Variants in GTPBP6 observed in about 807,000 individuals in gnomAD.
GTPBP6 encodes GTP binding protein 6.
A neutral mutation model predicts 28.9 loss-of-function variants in GTPBP6; 33 were observed. The ratio of observed to expected loss-of-function variants is 1.14; its 90% confidence interval spans 0.87 to 1.53. The LOEUF (loss-of-function observed/expected upper bound fraction) is 1.53, where lower values mean the gene tolerates loss of function less well. Among genes scored for constraint, GTPBP6 ranks in the 40% most tolerant of loss-of-function variants. The pLI is 0.00. For missense variants in GTPBP6, 507 were observed against 408.3 expected (o/e 1.24, Z -2.08); for synonymous variants, 231 against 192.7 (o/e 1.20, Z -1.65).
intron 1 of GTPBP6, among the ~76,000 whole-genome samples, chrX:317,933 C>T (rs1453661659): frequency 1.3e-5 from 2 of 148,210 alleles, no homozygotes; most frequent in Non-Finnish European, 3.0e-5. Flanking sequence ...CTATGAGATC[C>T]TCCCTTCAGA....
chrX:315,541 C>A (rs1331165683), intron 2 of GTPBP6, among the ~76,000 whole-genome samples: 1 of 132,870 alleles, frequency 7.5e-6, no homozygotes, highest in Admixed American at 7.0e-5. Flanking sequence ...GACACAAACA[C>A]ATACACACGC....
chrX:312,692 CT>C (rs1373624199), intron 6 of GTPBP6, 73 bp downstream of exon 6: 1 of 1,465,242 alleles, frequency 6.8e-7, no homozygotes, highest in Admixed American at 1.8e-5. Context: ...CAGGGACCCC[CT>C]GCCCTCCCCC....
rs1178949787 is a variant in GTPBP6, at chrX:305,344, C to T, written c.1428-147G>A. 7 of 645,156 alleles carry T rather than the reference C, an allele frequency of 1.1e-5. No homozygotes were observed. The East Asian group carries it at 1.1e-4, about 10-fold the overall frequency. The allele number at this position is 645,156 out of a possible 1,614,324, so 40.0% of individuals were successfully genotyped here. A position where few individuals can be genotyped will look rare whatever the true frequency, so the allele number is the denominator to read the frequency against. On this transcript the variant is annotated intron_variant, in intron 9 of 9. Coordinates refer to ENST00000326153, the Ensembl canonical transcript of GTPBP6. ...CTTTTGTTTTTTTTTTTTTTTGAGA[C>T]GGAGTCTCACTCTGTCGCGTAGGCT...
exon 6 of GTPBP6, chrX:312,911 C>T (rs761435287): frequency 1.2e-6 from 2 of 1,612,134 alleles, no homozygotes; most frequent in South Asian, 1.1e-5. Flanking sequence ...GCTGCAGCTG[C>T]ATGAAGGATT....
At chrX:317,694 CA>C (rs2070463491) in intron 1 of GTPBP6, among the ~76,000 whole-genome samples, 4 of 52,900 alleles carry the variant, frequency 7.6e-5, no homozygotes, top group Admixed American at 1.9e-4. Flanking sequence ...CCGGCCCACC[CA>C]ACCCCACCCC....
At chrX:307,448 G>C in exon 9 of GTPBP6, 2 of 1,612,078 alleles carry the variant, frequency 1.2e-6, no homozygotes, top group Non-Finnish European at 1.7e-6. Context: ...TCAGCTTTCA[G>C]CTCCTGGAGC....
rs752602236 is a variant in GTPBP6 at position 312,229 on chromosome X, G to T, written c.916+537C>A. 3.4e-4 allele frequency: 134 copies of T among 396,180 alleles called. 7 individuals are homozygous for T. The highest frequency in any genetic ancestry group is 2.2e-3 in the South Asian group (128 of 57,874). The allele number at this position is 396,180 out of a possible 1,614,324, so 24.5% of individuals were successfully genotyped here. On this transcript the variant is annotated intron_variant, in intron 6 of 9. Coordinates refer to ENST00000326153, the Ensembl canonical transcript of GTPBP6. ...GTAGACGGGGTGGTGGTATAGCTGG[G>T]GCAGTGGTGCCAGTGTAGACAGGAG...
rs771486878 is a variant in GTPBP6, at chrX:308,650, A to G, written c.1126-770T>C. Among the ~76,000 whole-genome samples the G allele has an allele frequency of 2.5e-3, 386 of 152,110 alleles. 1 individual carries two copies. Among genetic ancestry groups the G allele is most frequent in the Non-Finnish European group, 3.7e-3 (253 of 67,984 alleles). On this transcript the variant is annotated intron_variant, in intron 7 of 9. Coordinates refer to ENST00000326153, the Ensembl canonical transcript of GTPBP6. ...AGCCGAGATCATACCACTGCGGTTC[A>G]GTCTGGGTGACAGAGCGAGACCCTG...
Position 307,569 on chromosome X carries a change from C to T in GTPBP6, c.1275-57G>A. Reference sequence around the variant, plus strand: ...CAGCGTCGGGGCGGCCGGACGAAATCAGGGTCCCCAGGAGTCCACTGCCCA... The same window carrying T: ...CAGCGTCGGGGCGGCCGGACGAAATTAGGGTCCCCAGGAGTCCACTGCCCA... On this transcript the variant is annotated intron_variant, in intron 8 of 9. Coordinates refer to ENST00000326153, the Ensembl canonical transcript of GTPBP6. The T allele has an allele frequency of 1.9e-6, 3 of 1,569,894 alleles. No homozygotes were observed. The South Asian group carries it at 3.4e-5, about 18-fold the overall frequency.
chrX:308,015 C>A, intron 7 of GTPBP6, 135 bp from the exon 8 acceptor site: 1 of 731,360 alleles, frequency 1.4e-6, no homozygotes, highest in Non-Finnish European at 2.0e-6. Flanking sequence ...TGTGTGCAGG[C>A]CCCTCGGACA....
intron 7 of GTPBP6, among the ~76,000 whole-genome samples, chrX:310,159 G>A (rs1296784232): frequency 6.9e-6 from 1 of 144,638 alleles, no homozygotes; most frequent in Non-Finnish European, 1.5e-5. Context: ...ACCTGTGAAT[G>A]GGACATTATT....
rs2070393337 is a variant in GTPBP6, at chrX:314,623, C to CAA, written c.689+266_689+267insTT. On this transcript the variant is annotated intron_variant, in intron 4 of 9. Coordinates refer to ENST00000326153, the Ensembl canonical transcript of GTPBP6. ...GAGTAGCTGGGATTTCAGGCGCCCG[C>CAA]CACCACGCCCGGCTAATTTTTTTCT... Among the ~76,000 whole-genome samples the CAA allele has an allele frequency of 4.0e-5, 6 of 151,366 alleles. 1 individual carries two copies. Among genetic ancestry groups the CAA allele is most frequent in the South Asian group, 2.1e-4 (1 of 4,820 alleles).
At chrX:310,996 T>G (rs1320058646) in intron 7 of GTPBP6, among the ~76,000 whole-genome samples, 1 of 152,074 alleles carries the variant, frequency 6.6e-6, no homozygotes, top group Non-Finnish European at 1.5e-5. Flanking sequence ...CGCTTATGTG[T>G]TCAGGCACAT....
At chrX:312,673 C>G (rs769347085) in intron 6 of GTPBP6, 93 bp downstream of exon 6, 70 of 1,309,294 alleles carry the variant, frequency 5.3e-5, no homozygotes, top group Non-Finnish European at 1.2e-5. Context: ...TACGGCACCA[C>G]TGAGACGACA....
chrX:314,176 ACTC>A, exon 5 of GTPBP6: 1 of 1,613,378 alleles, frequency 6.2e-7, no homozygotes, highest in Non-Finnish European at 8.5e-7. Flanking sequence ...GCGCGAGCCG[ACTC>A]CTCGGTACAG....
chrX:307,152 G>A (rs1369119335), intron 9 of GTPBP6, among the ~76,000 whole-genome samples: 1 of 125,340 alleles, frequency 8.0e-6, no homozygotes, highest in East Asian at 2.2e-4. Context: ...AGTCACAAAT[G>A]TAGATTTTGA....
At chrX:308,553 G>A (rs1393193414) in intron 7 of GTPBP6, among the ~76,000 whole-genome samples, 1 of 152,036 alleles carries the variant, frequency 6.6e-6, no homozygotes, top group Non-Finnish European at 1.5e-5. Flanking sequence ...GGTTGTGCGT[G>A]TCTGTGGTCT....
At chrX:307,443 T>A in exon 9 of GTPBP6, 1 of 1,612,348 alleles carries the variant, frequency 6.2e-7, no homozygotes, top group South Asian at 1.1e-5. Context: ...CGAGCTCAGC[T>A]TTCAGCTCCT....
intron 9 of GTPBP6, among the ~76,000 whole-genome samples, chrX:306,257 T>C (rs1049315643): frequency 4.7e-5 from 7 of 148,658 alleles, no homozygotes; most frequent in African/African-American, 1.6e-4. Flanking sequence ...GTCAGAAATG[T>C]ACATTTTGAC....
Sources: gnomAD v4.1 joint callset for allele counts (sites outside exome capture counted in the v4.1 genomes callset) on GRCh38, gnomAD v4.1.1 for gene constraint, MANE v1.5 for transcripts, NCBI Gene and HGNC (gene_info 2026-07-23, HGNC 2026-07-21) for gene names.